Variants in NUB1 observed in about 807,000 individuals in gnomAD.
NUB1 encodes the protein NEDD8 ultimate buster 1.
A neutral mutation model predicts 77.1 loss-of-function variants in NUB1; 41 were observed. That is an observed-to-expected ratio of 0.53 (90% CI 0.41 to 0.69). The LOEUF is 0.69. Ranked by LOEUF, NUB1 falls within the 30% of genes least tolerant of loss-of-function variation. The pLI is 0.00. For missense variants in NUB1, 643 were observed against 743.8 expected, an observed-to-expected ratio of 0.86 and a Z score of 1.58; for synonymous variants, 257 against 281.0, an observed-to-expected ratio of 0.91 and a Z score of 0.85.
At chr7:151,353,603 C>G (rs1404631908) in intron 5 of NUB1, among the ~76,000 whole-genome samples, 2 of 152,204 alleles carry the variant, frequency 1.3e-5, no homozygotes, top group African/African-American at 4.8e-5. Flanking sequence ...GTACATTTCT[C>G]CTAAGATACA....
At chr7:151,346,021 CAG>C (rs1413280553) in intron 2 of NUB1, among the ~76,000 whole-genome samples, 2 of 152,184 alleles carry the variant, frequency 1.3e-5, no homozygotes, top group Non-Finnish European at 2.9e-5. Context: ...AGCAGAGAAA[CAG>C]TACTCATTTT....
chr7:151,374,802 G>A (rs571022556), intron 12 of NUB1, among the ~76,000 whole-genome samples: 2 of 152,100 alleles, frequency 1.3e-5, no homozygotes, highest in Admixed American at 6.5e-5. Flanking sequence ...GCTGCGCTGC[G>A]TCTCAGCAGC....
intron 7 of NUB1, among the ~76,000 whole-genome samples, chr7:151,357,275 CA>C (rs1797120449): frequency 6.6e-6 from 1 of 151,950 alleles, no homozygotes; most frequent in Admixed American, 6.6e-5. Flanking sequence ...AGGCACGCAC[CA>C]CCATGCCTGG....
chr7:151,363,721 T>C (rs969818332), intron 8 of NUB1, among the ~76,000 whole-genome samples: 1 of 152,242 alleles, frequency 6.6e-6, no homozygotes, highest in South Asian at 2.1e-4. Context: ...AGTAATAAAA[T>C]TGAAAATGAC....
intron 11 of NUB1, among the ~76,000 whole-genome samples, chr7:151,372,840 G>A (rs1054567445): frequency 1.2e-4 from 19 of 152,254 alleles, no homozygotes; most frequent in South Asian, 2.1e-4. Context: ...CGTAATGGGG[G>A]CATGAGACAG....
chr7:151,375,016 G>A (rs1274777586), intron 12 of NUB1, among the ~76,000 whole-genome samples: 1 of 151,496 alleles, frequency 6.6e-6, no homozygotes, highest in Non-Finnish European at 1.5e-5. Flanking sequence ...CACGTGCTGG[G>A]GGCGGGGCTG....
intron 11 of NUB1, among the ~76,000 whole-genome samples, chr7:151,371,295 C>T (rs1797944426): frequency 6.6e-6 from 1 of 152,124 alleles, no homozygotes; most frequent in African/African-American, 2.4e-5. Flanking sequence ...GGATAGGTCT[C>T]AGGGTTAGGT....
chr7:151,349,186 T>C lies in NUB1; in HGVS notation c.231T>C (p.Tyr77=), dbSNP rs1796668473. ...AIERGTGNDN[Y]RTTGIATIEV... Reference sequence around the variant, plus strand: ...AGCGTGGAACAGGAAATGACAATTATAGAACAACGGGAATTGCTACAATCG... The same window carrying C: ...AGCGTGGAACAGGAAATGACAATTACAGAACAACGGGAATTGCTACAATCG... The change falls in exon 3 of 15, where the codon TAT becomes TAC. Residue 77 remains tyrosine, a synonymous_variant. Transcript: ENST00000568733. 1.2e-6 allele frequency: 2 copies of C among 1,613,454 alleles called. No homozygotes were observed. The highest frequency in any genetic ancestry group is 1.7e-6 in the Non-Finnish European group (2 of 1,179,732).
chr7:151,375,512 G>GATCA (rs1455691368), intron 12 of NUB1, among the ~76,000 whole-genome samples: 2 of 152,208 alleles, frequency 1.3e-5, no homozygotes, highest in Admixed American at 1.3e-4. Flanking sequence ...CGCTTTCAAA[G>GATCA]ATCAATCAGG....
rs1319064321 is a variant in NUB1, at chr7:151,367,895, G to A, written c.1022G>A (p.Arg341Lys). 6.2e-7 allele frequency: 1 copy of A among 1,601,824 alleles called. No individual in the cohort carries two copies. Among genetic ancestry groups the A allele is most frequent in the Non-Finnish European group, 8.5e-7 (1 of 1,173,190 alleles). Residue 341 changes from arginine to lysine, a missense_variant, in exon 10 of 15, where the codon AGA becomes AAA. Coordinates refer to ENST00000568733, the MANE Select transcript of NUB1 (RefSeq NM_001243351.2). ...GGGAAAGAGAAGGTACTGTTTCTAA[G>A]ACTCTACTTACTTCAAGGGATCCGA... The part of the protein sequence containing the change: ...NCGKEKVLFL[R>K]LYLLQGIRNY...
chr7:151,350,281 T>C (rs1039134543), intron 3 of NUB1, among the ~76,000 whole-genome samples: 4 of 152,352 alleles, frequency 2.6e-5, no homozygotes, highest in Non-Finnish European at 5.9e-5. Flanking sequence ...CGGGCCTGAC[T>C]AATGTCAGGC....
chr7:151,368,208 C>T (rs916407773), intron 10 of NUB1, among the ~76,000 whole-genome samples: 1 of 152,122 alleles, frequency 6.6e-6, no homozygotes, highest in Non-Finnish European at 1.5e-5. Flanking sequence ...CTCATCTTGC[C>T]GTCTAGAGGT....
rs1399403312 is a variant in NUB1, at chr7:151,343,328, C to A, written c.-3+1482C>A. Among the ~76,000 whole-genome samples, 3 of 152,150 alleles carry A rather than the reference C, an allele frequency of 2.0e-5. No individual in the cohort carries two copies. The East Asian group carries it at 5.8e-4, about 29-fold the overall frequency. On this transcript the variant is annotated intron_variant, in intron 1 of 14. Transcript: ENST00000568733. ...GATTAGCCTAATTCTTGTCCCCGCA[C>A]TGACATAAAATAGATTTGAACTTTC...
At chr7:151,356,317 G>T in intron 7 of NUB1, 95 bp downstream of exon 7, 2 of 873,046 alleles carry the variant, frequency 2.3e-6, no homozygotes, top group South Asian at 2.9e-5. Flanking sequence ...GTTGTAAAGG[G>T]TTGGAAACAG....
chr7:151,372,710 G>A (rs962615234), intron 11 of NUB1, among the ~76,000 whole-genome samples: 3 of 152,204 alleles, frequency 2.0e-5, no homozygotes, highest in Non-Finnish European at 4.4e-5. Context: ...TGGTGCCTCA[G>A]TGTGGGGAGG....
In NUB1 at chr7:151,367,008, T is replaced by C. The variant is rs1219768728; in HGVS notation, c.870T>C (p.Cys290=). The C allele has an allele frequency of 6.2e-7, 1 of 1,613,738 alleles. No individual in the cohort carries two copies. Among genetic ancestry groups the C allele is most frequent in the African/African-American group, 1.3e-5 (1 of 74,928 alleles). Residue 290 remains cysteine (C), a synonymous_variant, in exon 9 of 15, where the codon TGT becomes TGC. Transcript: ENST00000568733. ...TCCTCCAGCTGGATATAGTGTGGTG[T>C]TACTTCCGCCTGGAACAGCTGGAAT... The part of the protein sequence containing the change: ...YAVLQLDIVW[C]YFRLEQLECL...
In NUB1 at chr7:151,349,144, A is replaced by G; in HGVS notation, c.189A>G (p.Ile63Met). ...AAGTAGAAAAGGTAATAGAAGAAATACGTTGCAAGGCAATTGAGCGTGGAA... is the reference window on the plus strand; with the variant it reads ...AAGTAGAAAAGGTAATAGAAGAAATGCGTTGCAAGGCAATTGAGCGTGGAA... The part of the protein sequence containing the change: ...ENEVEKVIEE[I>M]RCKAIERGTG... Residue 63 changes from isoleucine to methionine, a missense_variant, in exon 3 of 15, where the codon ATA becomes ATG. Physicochemically the swap from Ile to Met is conservative, Grantham distance 10. Coordinates refer to ENST00000568733, the MANE Select transcript of NUB1 (RefSeq NM_001243351.2). The G allele has an allele frequency of 6.2e-7, 1 of 1,613,772 alleles. No homozygotes were observed.
At chr7:151,359,403 A>G (rs1412930392) in intron 7 of NUB1, among the ~76,000 whole-genome samples, 1 of 151,300 alleles carries the variant, frequency 6.6e-6, no homozygotes, top group Non-Finnish European at 1.5e-5. Context: ...AGATCGCGCC[A>G]CTGCACTCCA....
intron 8 of NUB1, among the ~76,000 whole-genome samples, chr7:151,364,533 T>G (rs1057350768): frequency 6.6e-6 from 1 of 152,100 alleles, no homozygotes; most frequent in Non-Finnish European, 1.5e-5. Flanking sequence ...TTTTTGTTGT[T>G]GTTGTTTTTG....
Sources: gnomAD v4.1 joint callset for allele counts (sites outside exome capture counted in the v4.1 genomes callset) on GRCh38, gnomAD v4.1.1 for gene constraint, MANE v1.5 for transcripts, NCBI Gene and HGNC (gene_info 2026-07-23, HGNC 2026-07-21) for gene names.